Variants in DLC1 observed in about 807,000 individuals in gnomAD.
DLC1 encodes DLC1 Rho GTPase activating protein.
DLC1 carries 54 observed loss-of-function variants against 140.3 expected under a neutral mutation model. The observed-to-expected ratio is 0.38, with a 90% CI of 0.31 to 0.48. The LOEUF (loss-of-function observed/expected upper bound fraction) is 0.48, where lower values mean the gene tolerates loss of function less well. Ranked by LOEUF, DLC1 falls within the 20% of genes least tolerant of loss-of-function variation. The pLI, the probability that DLC1 is intolerant of heterozygous loss-of-function variation, is 0.96. For synonymous variants in DLC1, 986 were observed against 728.1 expected (o/e 1.35, Z -5.70); for missense variants, 2,536 against 1,907.0 (o/e 1.33, Z -6.14).
chr8:13,318,066 T>C (rs1832926312), intron 4 of DLC1, among the ~76,000 whole-genome samples: 1 of 152,132 alleles, frequency 6.6e-6, no homozygotes, highest in African/African-American at 2.4e-5. Flanking sequence ...CTTTTTGTGT[T>C]ACCCAGGATG....
At chr8:13,283,034 A>G (rs1831417328) in intron 5 of DLC1, among the ~76,000 whole-genome samples, 1 of 152,184 alleles carries the variant, frequency 6.6e-6, no homozygotes, top group Admixed American at 6.5e-5. Context: ...CTAATAATAA[A>G]ATGAAAAGCA....
chr8:13,414,931 C>G (rs1310428430), intron 2 of DLC1, among the ~76,000 whole-genome samples: 1 of 152,088 alleles, frequency 6.6e-6, no homozygotes, highest in Non-Finnish European at 1.5e-5. Context: ...CTGCCTCAGC[C>G]TCCTGAGTAG....
intron 5 of DLC1, among the ~76,000 whole-genome samples, chr8:13,294,328 G>T (rs1326526609): frequency 6.6e-6 from 1 of 152,006 alleles, no homozygotes; most frequent in Non-Finnish European, 1.5e-5. Flanking sequence ...GTTAAAAGCT[G>T]TTGGAAAGCA....
intron 1 of DLC1, among the ~76,000 whole-genome samples, chr8:13,528,954 G>T (rs1368968338): frequency 2.6e-5 from 4 of 152,118 alleles, no homozygotes; most frequent in Non-Finnish European, 4.4e-5. Flanking sequence ...TCACCACCAT[G>T]CATGCTTGAA....
At chr8:13,396,890 T>A (rs1440126770) in intron 3 of DLC1, among the ~76,000 whole-genome samples, 2 of 152,120 alleles carry the variant, frequency 1.3e-5, no homozygotes, top group Non-Finnish European at 2.9e-5. Flanking sequence ...AAGCAGTGAA[T>A]AAACCCTGGG....
At chr8:13,361,485 T>C (rs999462842) in intron 4 of DLC1, among the ~76,000 whole-genome samples, 1 of 152,026 alleles carries the variant, frequency 6.6e-6, no homozygotes, top group African/African-American at 2.4e-5. Context: ...AGGCTGGTCT[T>C]GCATTGCTGT....
intron 4 of DLC1, among the ~76,000 whole-genome samples, chr8:13,355,348 C>T (rs1834885484): frequency 6.6e-6 from 1 of 152,232 alleles, no homozygotes; most frequent in African/African-American, 2.4e-5. Context: ...ATTATCCAGG[C>T]ATGGTGATGT....
intron 5 of DLC1, among the ~76,000 whole-genome samples, chr8:13,238,539 G>A (rs1311145765): frequency 6.6e-6 from 1 of 150,860 alleles, no homozygotes; most frequent in Non-Finnish European, 1.5e-5. Flanking sequence ...AAAAAAAAAA[G>A]TGCTCTCTCA....
At chr8:13,374,817 C>G (rs967322237) in intron 4 of DLC1, among the ~76,000 whole-genome samples, 2 of 152,158 alleles carry the variant, frequency 1.3e-5, no homozygotes, top group African/African-American at 4.8e-5. Flanking sequence ...TTGATTCTTC[C>G]TATCCATGAG....
At chr8:13,392,586 A>G (rs1408576085) in intron 4 of DLC1, among the ~76,000 whole-genome samples, 1 of 152,176 alleles carries the variant, frequency 6.6e-6, no homozygotes, top group Non-Finnish European at 1.5e-5. Flanking sequence ...GTGTTGCATA[A>G]AAAATAATAC....
At chr8:13,540,720 G>A (rs116479495) in intron 1 of DLC1, among the ~76,000 whole-genome samples, 2,181 of 152,272 alleles carry the variant, frequency 0.014, 57 homozygotes, top group African/African-American at 0.051. Context: ...GTGAAGACAA[G>A]AGAAAAACCC....
chr8:13,318,099 C>A (rs961042191), intron 4 of DLC1, among the ~76,000 whole-genome samples: 1 of 152,116 alleles, frequency 6.6e-6, no homozygotes, highest in Admixed American at 6.5e-5. Flanking sequence ...ATGATCATAG[C>A]TCACTGTAAC....
chr8:13,349,272 T>C (rs1334739895), intron 4 of DLC1, among the ~76,000 whole-genome samples: 1 of 152,056 alleles, frequency 6.6e-6, no homozygotes, highest in Non-Finnish European at 1.5e-5. Context: ...TATATGTTAA[T>C]AGGAATGGAG....
At chr8:13,493,812 A>G (rs189112217) in intron 2 of DLC1, among the ~76,000 whole-genome samples, 2 of 152,200 alleles carry the variant, frequency 1.3e-5, no homozygotes, top group East Asian at 1.9e-4. Context: ...CCATTGGTCA[A>G]TGTTATCCTC....
intron 5 of DLC1, among the ~76,000 whole-genome samples, chr8:13,140,040 C>A (rs186418547): frequency 1.3e-5 from 2 of 152,282 alleles, no homozygotes; most frequent in South Asian, 2.1e-4. Context: ...TGAAGCTCAA[C>A]AATAAACTCC....
intron 5 of DLC1, among the ~76,000 whole-genome samples, chr8:13,157,699 T>C (rs1448335262): frequency 2.0e-5 from 3 of 152,216 alleles, no homozygotes; most frequent in African/African-American, 7.2e-5. Context: ...ATTTAAATGC[T>C]AACAGGGTGG....
rs1445719102 is a variant in DLC1 at position 13,567,805 on chromosome 8, A to T, written c.-126+36732T>A. The T allele has an allele frequency of 2.6e-6, 4 of 1,551,878 alleles. No individual in the cohort carries two copies. In the South Asian group the frequency reaches 3.6e-5, roughly 14 times the overall value. On this transcript the variant is annotated intron_variant, in intron 1 of 1. Transcript: ENST00000631382. ...AAGACTGACTGAGAAAAGTCATATC[A>T]GATACTCTGGTTTTGAAAGATCAGA...
At chr8:13,599,829 A>C (rs1805810539) in intron 1 of DLC1, among the ~76,000 whole-genome samples, 1 of 151,982 alleles carries the variant, frequency 6.6e-6, no homozygotes, top group Non-Finnish European at 1.5e-5. Flanking sequence ...TTAAGAAAGA[A>C]AAAACATAAA....
chr8:13,410,313 C>G (rs1279605410), intron 2 of DLC1, among the ~76,000 whole-genome samples: 2 of 151,988 alleles, frequency 1.3e-5, no homozygotes, highest in Non-Finnish European at 2.9e-5. Flanking sequence ...TTCTATAAAA[C>G]TAGGAAAAAG....
Sources: gnomAD v4.1 joint callset for allele counts (sites outside exome capture counted in the v4.1 genomes callset) on GRCh38, gnomAD v4.1.1 for gene constraint, MANE v1.5 for transcripts, NCBI Gene and HGNC (gene_info 2026-07-23, HGNC 2026-07-21) for gene names.